The following ANKRD26 variants were observed in gnomAD, a reference collection of about 807,000 sequenced individuals.
The protein encoded by ANKRD26 is ankyrin repeat domain-containing protein 26.
ANKRD26 carries 141 observed loss-of-function variants against 208.7 expected under a neutral mutation model. The ratio of observed to expected loss-of-function variants is 0.68; its 90% CI spans 0.59 to 0.78. The LOEUF (loss-of-function observed/expected upper bound fraction) is 0.78. ANKRD26 is among the 30% of genes least tolerant of loss of function. The pLI, the probability that ANKRD26 is intolerant of heterozygous loss-of-function variation, is 0.00. For missense variants in ANKRD26, 1,889 were observed against 1,938.7 expected, an observed-to-expected ratio of 0.97 and a Z score of 0.48; for synonymous variants, 636 against 660.4, an observed-to-expected ratio of 0.96 and a Z score of 0.57.
the ANKRD26 span, among the ~76,000 whole-genome samples, chr10:26,954,474 T>C: frequency 6.6e-6 from 1 of 152,212 alleles, no homozygotes; most frequent in Admixed American, 6.5e-5. Flanking sequence ...GCAAACTTGT[T>C]TCTCTTGCTT....
intron 10 of ANKRD26, 35 bp downstream of exon 10, chr10:27,067,122 G>T (rs766164007): frequency 6.2e-7 from 1 of 1,605,354 alleles, no homozygotes; most frequent in Admixed American, 1.7e-5. Flanking sequence ...AGAACTTAAG[G>T]ATAGAAAAAT....
chr10:27,026,417 C>T (rs2053658877), intron 27 of ANKRD26, among the ~76,000 whole-genome samples: 1 of 152,140 alleles, frequency 6.6e-6, no homozygotes, highest in Admixed American at 6.5e-5. Context: ...CAGGAGACTT[C>T]ATATCAATAT....
chr10:27,083,424 T>C (rs1017727997), intron 5 of ANKRD26, among the ~76,000 whole-genome samples: 3 of 151,984 alleles, frequency 2.0e-5, no homozygotes, highest in African/African-American at 7.2e-5. Context: ...AAGACCAACA[T>C]TTTAAAATAA....
downstream of ANKRD26, among the ~76,000 whole-genome samples, chr10:26,972,172 T>C (rs1399513196): frequency 3.3e-5 from 5 of 151,262 alleles, no homozygotes; most frequent in South Asian, 4.2e-4. Context: ...GAGGCGGAGC[T>C]TGCAGTGAGC....
At chr10:27,006,997 G>T in intron 32 of ANKRD26, 35 bp from the exon 33 acceptor site, 1 of 1,492,988 alleles carries the variant, frequency 6.7e-7, no homozygotes, top group Non-Finnish European at 9.3e-7. Context: ...TAATGTTTAA[G>T]TTAGACAAGA....
At chr10:26,986,011 C>T (rs966780493) in intron 3 of ANKRD26, among the ~76,000 whole-genome samples, 4 of 152,158 alleles carry the variant, frequency 2.6e-5, no homozygotes, top group Non-Finnish European at 4.4e-5. Flanking sequence ...AGGCATCACG[C>T]TACCTGACTT....
intron 1 of ANKRD26, among the ~76,000 whole-genome samples, chr10:27,095,653 G>A (rs906548457): frequency 6.6e-6 from 1 of 152,174 alleles, no homozygotes; most frequent in Non-Finnish European, 1.5e-5. Flanking sequence ...GGGTGTCAGA[G>A]CATAATCTCC....
At chr10:26,989,229 G>A (rs1004515979), downstream of ANKRD26, among the ~76,000 whole-genome samples, 1 of 152,056 alleles carries the variant, frequency 6.6e-6, no homozygotes, top group Non-Finnish European at 1.5e-5. Context: ...ATGAATTTTG[G>A]GGGGGACTAA....
intron 20 of ANKRD26, among the ~76,000 whole-genome samples, chr10:27,040,974 T>A (rs1213627347): frequency 6.7e-6 from 1 of 148,570 alleles, no homozygotes; most frequent in African/African-American, 2.5e-5. Flanking sequence ...GAGGTTGCAG[T>A]GAGCTGAGAT....
intron 3 of ANKRD26, among the ~76,000 whole-genome samples, chr10:27,093,104 T>C (rs1361712844): frequency 1.3e-5 from 2 of 152,044 alleles, no homozygotes; most frequent in African/African-American, 4.8e-5. Flanking sequence ...AAAAAAAGAT[T>C]TGCCTTTAAC....
At chr10:27,036,542 A>G (rs2054051674) in intron 23 of ANKRD26, among the ~76,000 whole-genome samples, 2 of 152,164 alleles carry the variant, frequency 1.3e-5, no homozygotes, top group African/African-American at 4.8e-5. Context: ...TGTTGTCGCA[A>G]TAACTTTTGT....
chr10:27,082,883 T>C, intron 5 of ANKRD26, 50 bp from the exon 6 acceptor site: 4 of 1,546,422 alleles, frequency 2.6e-6, no homozygotes, highest in Non-Finnish European at 2.6e-6. Context: ...TAGAAAAATA[T>C]ATAAAATTTA....
At chr10:26,987,337 C>A (rs950425846), downstream of ANKRD26, among the ~76,000 whole-genome samples, 9 of 152,022 alleles carry the variant, frequency 5.9e-5, no homozygotes, top group Non-Finnish European at 1.3e-4. Context: ...GTTAAATGAC[C>A]AGTTAATGGG....
intron 32 of ANKRD26, among the ~76,000 whole-genome samples, chr10:27,011,005 AC>A (rs1212887593): frequency 9.2e-5 from 14 of 152,206 alleles, no homozygotes; most frequent in African/African-American, 3.4e-4. Flanking sequence ...TTGTTAAGCC[AC>A]TTGGCTGCAG....
chr10:26,971,977 T>C (rs569882588), downstream of ANKRD26, among the ~76,000 whole-genome samples: 11 of 152,190 alleles, frequency 7.2e-5, no homozygotes, highest in Non-Finnish European at 1.6e-4. Flanking sequence ...GGCTCACGCC[T>C]GTAATCCCAG....
chr10:27,076,521 T>C (rs1467847156), intron 9 of ANKRD26, among the ~76,000 whole-genome samples: 2 of 152,110 alleles, frequency 1.3e-5, no homozygotes, highest in Non-Finnish European at 2.9e-5. Context: ...CGTCTAGGCC[T>C]CCCAAAGTGC....
chr10:27,008,735 G>A (rs1042655265), intron 32 of ANKRD26, among the ~76,000 whole-genome samples: 3 of 152,156 alleles, frequency 2.0e-5, no homozygotes, highest in East Asian at 1.9e-4. Context: ...TATTTTTCTC[G>A]CCTAACACTT....
At chr10:26,999,061 T>C (rs2052661286) in intron 4 of ANKRD26, among the ~76,000 whole-genome samples, 1 of 152,188 alleles carries the variant, frequency 6.6e-6, no homozygotes, top group South Asian at 2.1e-4. Flanking sequence ...TGGCCTCCTG[T>C]AAGGAGATGA....
chr10:27,017,291 TTC>T (rs2053328511), intron 30 of ANKRD26, among the ~76,000 whole-genome samples: 1 of 152,214 alleles, frequency 6.6e-6, no homozygotes, highest in Admixed American at 6.5e-5. Context: ...AGTCAAATAA[TTC>T]TCTGATGAAA....
Sources: allele counts gnomAD v4.1 joint callset (sites outside exome capture counted in the v4.1 genomes callset), GRCh38; gene constraint gnomAD v4.1.1; transcripts MANE v1.5; gene names NCBI Gene and HGNC (gene_info 2026-07-23, HGNC 2026-07-21).